The following SIL1 variants were observed in gnomAD, a reference collection of about 807,000 sequenced individuals.
SIL1 encodes SIL1 nucleotide exchange factor.
In SIL1, 40 loss-of-function variants were observed where a neutral mutation model predicts 49.1. The ratio of observed to expected loss-of-function variants is 0.81; its 90% CI spans 0.63 to 1.06. SIL1 has a LOEUF of 1.06. Among genes scored for constraint, SIL1 ranks in the 50% least tolerant of loss-of-function variants. SIL1 has a pLI of 0.00. For missense variants in SIL1, 500 were observed against 572.6 expected (o/e 0.87, Z 1.29); for synonymous variants, 253 against 250.8 (o/e 1.01, Z -0.08).
At chr5:139,009,149 T>G (rs1165905396) in intron 7 of SIL1, among the ~76,000 whole-genome samples, 2 of 151,162 alleles carry the variant, frequency 1.3e-5, no homozygotes, top group African/African-American at 2.4e-5. Flanking sequence ...GGTGCTCCTG[T>G]ATTGGGTGCA....
rs74984976 is a variant in SIL1 at position 139,040,459 on chromosome 5, T to C, written c.453+2161A>G. 9.3e-3 allele frequency among the ~76,000 whole-genome samples: 1,401 copies of C among 151,094 alleles called. 8 individuals are homozygous for C. The highest frequency in any genetic ancestry group is 0.014 in the Admixed American group (210 of 15,204). On this transcript the variant is annotated intron_variant, in intron 5 of 9. Transcript: ENST00000394817. ...TTTGGGTGCTGATATTGGGATCCCCTTGCAAGGGGAGAGGAGTATTTTTTC... is the reference window on the plus strand; with the variant it reads ...TTTGGGTGCTGATATTGGGATCCCCCTGCAAGGGGAGAGGAGTATTTTTTC...
intron 7 of SIL1, among the ~76,000 whole-genome samples, chr5:138,990,584 T>C (rs1767734781): frequency 6.6e-6 from 1 of 152,122 alleles, no homozygotes; most frequent in Non-Finnish European, 1.5e-5. Context: ...TCTCCAACCA[T>C]GCCTGGATAA....
chr5:139,170,533 G>A (rs1369981516), intron 1 of SIL1, among the ~76,000 whole-genome samples: 13 of 151,286 alleles, frequency 8.6e-5, no homozygotes, highest in South Asian at 2.1e-4. Context: ...CATCTGGGAT[G>A]TGAGAAGCAC....
intron 6 of SIL1, among the ~76,000 whole-genome samples, chr5:139,023,996 G>A (rs1181056487): frequency 2.0e-5 from 3 of 152,214 alleles, no homozygotes; most frequent in Non-Finnish European, 4.4e-5. Flanking sequence ...GAATGGGGAT[G>A]TCACCTTAGG....
At chr5:138,974,815 A>T (rs1767361480) in intron 7 of SIL1, among the ~76,000 whole-genome samples, 1 of 152,184 alleles carries the variant, frequency 6.6e-6, no homozygotes, top group Non-Finnish European at 1.5e-5. Flanking sequence ...GTATTTCCTT[A>T]CAATGTGCTG....
intron 1 of SIL1, among the ~76,000 whole-genome samples, chr5:139,148,187 A>G (rs1454641372): frequency 6.6e-6 from 1 of 151,976 alleles, no homozygotes; most frequent in Admixed American, 6.5e-5. Flanking sequence ...TAAGAGTGGT[A>G]TATCACAAAA....
chr5:139,023,596 T>TTTAATAA (rs1768577926), intron 6 of SIL1, among the ~76,000 whole-genome samples: 1 of 152,234 alleles, frequency 6.6e-6, no homozygotes, highest in African/African-American at 2.4e-5. Flanking sequence ...ACATATCCTG[T>TTTAATAA]TTAATAATTC....
At chr5:138,968,944 T>C (rs1331224724) in intron 7 of SIL1, among the ~76,000 whole-genome samples, 1 of 152,116 alleles carries the variant, frequency 6.6e-6, no homozygotes. Flanking sequence ...CCCATCTCCC[T>C]GCACTTTGAT....
intron 1 of SIL1, among the ~76,000 whole-genome samples, chr5:139,152,141 C>T (rs938955168): frequency 2.0e-5 from 3 of 152,156 alleles, no homozygotes; most frequent in South Asian, 4.1e-4. Context: ...TTGGGCCGTG[C>T]GTCTAAGATC....
At chr5:139,101,881 A>G (rs1035639722) in intron 3 of SIL1, among the ~76,000 whole-genome samples, 4 of 152,228 alleles carry the variant, frequency 2.6e-5, no homozygotes, top group Non-Finnish European at 5.9e-5. Context: ...TGGACAAAGA[A>G]GAAGAATCCA....
At chr5:139,180,859 G>A (rs964553188) in intron 1 of SIL1, among the ~76,000 whole-genome samples, 1 of 152,142 alleles carries the variant, frequency 6.6e-6, no homozygotes, top group East Asian at 1.9e-4. Flanking sequence ...CTGCAGGGTA[G>A]ACAATCCCAG....
chr5:139,128,143 G>T, intron 1 of SIL1: 1 of 413,264 alleles, frequency 2.4e-6, no homozygotes, highest in Non-Finnish European at 4.7e-6. Flanking sequence ...TTATCAGGTT[G>T]TGGCGGGTGG....
intron 7 of SIL1, among the ~76,000 whole-genome samples, chr5:138,981,578 T>A (rs1186051994): frequency 6.6e-6 from 1 of 152,222 alleles, no homozygotes; most frequent in Admixed American, 6.5e-5. Flanking sequence ...CTGATACACA[T>A]GCACCAGGAT....
chr5:139,177,530 G>A (rs1459948288), intron 1 of SIL1, among the ~76,000 whole-genome samples: 3 of 152,010 alleles, frequency 2.0e-5, no homozygotes, highest in East Asian at 1.9e-4. Context: ...GAGCCACCGC[G>A]CCCAGCCGAG....
chr5:139,104,865 G>C (rs1434478289), intron 3 of SIL1, among the ~76,000 whole-genome samples: 1 of 152,174 alleles, frequency 6.6e-6, no homozygotes, highest in Non-Finnish European at 1.5e-5. Context: ...CTTCCTAAGG[G>C]TCTCTCTGTG....
At chr5:139,157,038 C>A (rs1308269064) in intron 1 of SIL1, among the ~76,000 whole-genome samples, 2 of 152,304 alleles carry the variant, frequency 1.3e-5, no homozygotes, top group East Asian at 3.9e-4. Context: ...TGATGGGTGA[C>A]CCTGCCAAGA....
At chr5:138,975,643 T>A (rs1214258162) in intron 7 of SIL1, among the ~76,000 whole-genome samples, 1 of 152,056 alleles carries the variant, frequency 6.6e-6, no homozygotes, top group Non-Finnish European at 1.5e-5. Context: ...ACCAAAAGAA[T>A]AAAGAGGAAG....
At chr5:139,108,358 G>A (rs150145239) in intron 3 of SIL1, 5 of 152,276 alleles carry the variant, frequency 3.3e-5, no homozygotes, top group African/African-American at 1.2e-4. Flanking sequence ...ATGGAAACAC[G>A]GAGGTCACAA....
intron 7 of SIL1, among the ~76,000 whole-genome samples, chr5:138,999,429 C>G (rs1170347069): frequency 1.3e-5 from 2 of 152,100 alleles, no homozygotes; most frequent in Non-Finnish European, 2.9e-5. Flanking sequence ...AAGGTAAACT[C>G]TTGGCCTCAA....
Sources: allele counts gnomAD v4.1 joint callset (sites outside exome capture counted in the v4.1 genomes callset), GRCh38; gene constraint gnomAD v4.1.1; transcripts MANE v1.5; gene names NCBI Gene and HGNC (gene_info 2026-07-23, HGNC 2026-07-21).